Variants in EXOC6B observed in about 807,000 individuals in gnomAD.
The protein encoded by EXOC6B is exocyst complex component 6B, also known as SEC15 homolog B.
In EXOC6B, 54 loss-of-function variants were observed where a neutral mutation model predicts 113.5. The observed-to-expected ratio is 0.48, with a 90% CI of 0.38 to 0.60. EXOC6B has a LOEUF of 0.60. Among genes scored for constraint, EXOC6B ranks in the 20% least tolerant of loss-of-function variants. The pLI is 0.00. For synonymous variants in EXOC6B, 357 were observed against 339.0 expected (o/e 1.05, Z -0.58); for missense variants, 797 against 977.5 (o/e 0.82, Z 2.46).
chr2:72,570,735 A>G lies in EXOC6B; in HGVS notation c.846+4757T>C, dbSNP rs538941551. Among the ~76,000 whole-genome samples, 7 of 152,198 alleles carry G rather than the reference A, an allele frequency of 4.6e-5. No homozygotes were observed. The South Asian group carries it at 1.5e-3, about 32-fold the overall frequency. On this transcript the variant is annotated intron_variant, in intron 7 of 21. Coordinates refer to ENST00000272427, the MANE Select transcript of EXOC6B (RefSeq NM_015189.3). ...CTGAAGTAACCTAGAAACAAAGTAG[A>G]AAAAATACGCCCTGCTTTTTCAAAC...
intron 18 of EXOC6B, among the ~76,000 whole-genome samples, chr2:72,461,038 A>G (rs1409862688): frequency 6.6e-6 from 1 of 151,982 alleles, no homozygotes; most frequent in Non-Finnish European, 1.5e-5. Flanking sequence ...ATAAAAAATG[A>G]TGAGTTCATG....
intron 16 of EXOC6B, among the ~76,000 whole-genome samples, chr2:72,481,448 T>C (rs1276609273): frequency 6.6e-6 from 1 of 152,248 alleles, no homozygotes; most frequent in African/African-American, 2.4e-5. Flanking sequence ...AACTAAAACA[T>C]TGCCAAATGA....
intron 20 of EXOC6B, chr2:72,288,691 TA>T (rs11318959): frequency 0.35 from 50,947 of 145,982 alleles, 10,483 homozygotes; most frequent in African/African-American, 0.64. Flanking sequence ...CTGATAGAAA[TA>T]TATATATATA....
intron 20 of EXOC6B, among the ~76,000 whole-genome samples, chr2:72,186,180 A>G (rs991950667): frequency 2.0e-5 from 3 of 152,168 alleles, no homozygotes; most frequent in Admixed American, 6.5e-5. Flanking sequence ...AGTCTTTGCT[A>G]TTGTGAATAG....
At chr2:72,540,614 A>G (rs1165194343) in intron 8 of EXOC6B, among the ~76,000 whole-genome samples, 3 of 152,162 alleles carry the variant, frequency 2.0e-5, no homozygotes, top group Non-Finnish European at 2.9e-5. Flanking sequence ...CCACATTTCA[A>G]TTTTGTCAAT....
At chr2:72,482,347 CT>C (rs533485047) in intron 16 of EXOC6B, among the ~76,000 whole-genome samples, 13 of 151,966 alleles carry the variant, frequency 8.6e-5, no homozygotes, top group South Asian at 6.2e-4. Context: ...TAGAATGGAC[CT>C]TTTTTTTGTC....
chr2:72,522,674 C>A (rs147822031), intron 8 of EXOC6B, among the ~76,000 whole-genome samples: 47 of 152,262 alleles, frequency 3.1e-4, no homozygotes, highest in African/African-American at 9.9e-4. Flanking sequence ...AAGATGACAT[C>A]TTTCTAGATC....
intron 6 of EXOC6B, among the ~76,000 whole-genome samples, chr2:72,619,170 A>G (rs1671587853): frequency 6.6e-6 from 1 of 151,200 alleles, no homozygotes; most frequent in Non-Finnish European, 1.5e-5. Flanking sequence ...AGACAGAGAA[A>G]TACACAGCCA....
intron 20 of EXOC6B, among the ~76,000 whole-genome samples, chr2:72,217,475 A>G (rs1196125894): frequency 1.3e-5 from 2 of 152,158 alleles, no homozygotes; most frequent in East Asian, 3.9e-4. Context: ...AAAAAGGTAC[A>G]TTCAGAGCAC....
chr2:72,381,171 T>C (rs1288749036), intron 18 of EXOC6B, among the ~76,000 whole-genome samples: 1 of 152,180 alleles, frequency 6.6e-6, no homozygotes, highest in African/African-American at 2.4e-5. Context: ...TGCTGTATTA[T>C]TTTACATATT....
At chr2:72,559,779 C>A (rs1354657576) in intron 7 of EXOC6B, among the ~76,000 whole-genome samples, 1 of 152,186 alleles carries the variant, frequency 6.6e-6, no homozygotes, top group African/African-American at 2.4e-5. Flanking sequence ...AAACAGGTGG[C>A]ACCAATCCTG....
chr2:72,543,621 C>A (rs1050390229), intron 8 of EXOC6B, among the ~76,000 whole-genome samples: 2 of 152,090 alleles, frequency 1.3e-5, no homozygotes, highest in Middle Eastern at 3.2e-3. Context: ...GTTAAAAGAG[C>A]AATATGACAA....
At chr2:72,311,975 A>T (rs1432015281) in intron 20 of EXOC6B, among the ~76,000 whole-genome samples, 1 of 152,196 alleles carries the variant, frequency 6.6e-6, no homozygotes, top group African/African-American at 2.4e-5. Context: ...TCTTTTGCCA[A>T]GTCTTTTACT....
chr2:72,585,038 A>C (rs1705465777), intron 6 of EXOC6B, among the ~76,000 whole-genome samples: 1 of 152,196 alleles, frequency 6.6e-6, no homozygotes, highest in Non-Finnish European at 1.5e-5. Context: ...ATAGCCCTAA[A>C]CATCTACCTA....
At chr2:72,749,372 G>A (rs1681898798) in intron 1 of EXOC6B, among the ~76,000 whole-genome samples, 1 of 152,004 alleles carries the variant, frequency 6.6e-6, no homozygotes, top group Admixed American at 6.6e-5. Flanking sequence ...AGTTCACTTA[G>A]TATCTATCAT....
chr2:72,537,643 T>C (rs148139455), intron 8 of EXOC6B, among the ~76,000 whole-genome samples: 1 of 151,904 alleles, frequency 6.6e-6, no homozygotes, highest in African/African-American at 2.4e-5. Flanking sequence ...AAAAAATACA[T>C]ATATATGGAG....
intron 6 of EXOC6B, among the ~76,000 whole-genome samples, chr2:72,624,607 A>C (rs1268952136): frequency 1.3e-5 from 2 of 152,178 alleles, no homozygotes; most frequent in African/African-American, 4.8e-5. Context: ...TTAGCCAGGC[A>C]TAGTGGCACA....
chr2:72,208,454 T>C (rs554006492), intron 20 of EXOC6B, among the ~76,000 whole-genome samples: 3 of 152,318 alleles, frequency 2.0e-5, no homozygotes, highest in Admixed American at 2.0e-4. Context: ...CCATGGTGTA[T>C]ATGTACCACA....
intron 20 of EXOC6B, among the ~76,000 whole-genome samples, chr2:72,224,843 TGTGTATATATATATATGTATACGTAA>T (rs1374223195): frequency 2.0e-5 from 3 of 150,920 alleles, no homozygotes; most frequent in Non-Finnish European, 4.4e-5. Flanking sequence ...TGTGTATGTG[TGTGTATATATATATATGTATACGTAA>T]GTGTATATAT....
Sources: gnomAD v4.1 joint callset for allele counts (sites outside exome capture counted in the v4.1 genomes callset) on GRCh38, gnomAD v4.1.1 for gene constraint, MANE v1.5 for transcripts, NCBI Gene and HGNC (gene_info 2026-07-23, HGNC 2026-07-21) for gene names.